The following PTPRQ variants were observed in gnomAD, a reference collection of about 807,000 sequenced individuals.
PTPRQ encodes phosphatidylinositol phosphatase PTPRQ.
PTPRQ carries 199 observed loss-of-function variants against 246.0 expected under a neutral mutation model. The observed-to-expected ratio is 0.81, with a 90% CI of 0.72 to 0.91. The LOEUF is 0.91. Ranked by LOEUF, PTPRQ falls within the 40% of genes least tolerant of loss-of-function variation. The pLI is 0.00. For missense variants in PTPRQ, 2,624 were observed against 2,528.4 expected, an observed-to-expected ratio of 1.04 and a Z score of -0.81; for synonymous variants, 869 against 853.2, an observed-to-expected ratio of 1.02 and a Z score of -0.32.
chr12:80,508,928 A>G (rs1895045428), intron 16 of PTPRQ, among the ~76,000 whole-genome samples: 1 of 152,054 alleles, frequency 6.6e-6, no homozygotes, highest in South Asian at 2.1e-4. Flanking sequence ...GTTGCAACAT[A>G]TTAGTTTCTA....
chr12:80,632,281 G>T lies in PTPRQ; in HGVS notation c.5776G>T (p.Ala1926Ser). Residue 1926 changes from alanine to serine, a missense_variant, in exon 34 of 45, where the codon GCA (alanine) becomes TCA (serine). By Grantham distance (99) the Ala-to-Ser change is moderately conservative (BLOSUM62 1). Transcript: ENST00000644991. ...SIILLGTAIFAFARIRQKQKE... is the reference protein window; with the variant it reads ...SIILLGTAIFSFARIRQKQKE... ...AATTCTCCTTGGAACAGCTATTTTT[G>T]CATTTGCAAGGTAAGATTTATTTGC... 6.4e-7 allele frequency: 1 copy of T among 1,551,028 alleles called. No homozygotes were observed. The highest frequency in any genetic ancestry group is 8.7e-7 in the Non-Finnish European group (1 of 1,146,762).
At chr12:80,617,674 G>A (rs1297569446) in intron 30 of PTPRQ, among the ~76,000 whole-genome samples, 1 of 151,318 alleles carries the variant, frequency 6.6e-6, no homozygotes, top group Non-Finnish European at 1.5e-5. Context: ...GCAGACTTAC[G>A]ACTTCTAGTC....
intron 6 of PTPRQ, among the ~76,000 whole-genome samples, chr12:80,468,159 T>C (rs1565725554): frequency 1.3e-5 from 2 of 152,140 alleles, no homozygotes; most frequent in Non-Finnish European, 2.9e-5. Context: ...AAAATGTCAT[T>C]ATTATTTTCA....
At chr12:80,625,056 G>A (rs541673231) in intron 33 of PTPRQ, among the ~76,000 whole-genome samples, 7 of 152,238 alleles carry the variant, frequency 4.6e-5, no homozygotes, top group African/African-American at 1.7e-4. Flanking sequence ...AACATTGCCA[G>A]GGAAGAAACT....
At chr12:80,642,804 C>A (rs1269873008) in intron 35 of PTPRQ, among the ~76,000 whole-genome samples, 1 of 149,302 alleles carries the variant, frequency 6.7e-6, no homozygotes, top group Non-Finnish European at 1.5e-5. Context: ...CCTGTAGTCC[C>A]AGCTACTCGG....
intron 6 of PTPRQ, among the ~76,000 whole-genome samples, chr12:80,467,213 T>C (rs1344650281): frequency 2.0e-5 from 3 of 151,964 alleles, no homozygotes; most frequent in Non-Finnish European, 4.4e-5. Context: ...AACAGACACT[T>C]CTCAAAAGAA....
chr12:80,512,019 C>T (rs188113429), intron 17 of PTPRQ, among the ~76,000 whole-genome samples: 2 of 152,076 alleles, frequency 1.3e-5, no homozygotes, highest in Non-Finnish European at 2.9e-5. Context: ...GTAGTGGCAA[C>T]AGAGGGGAGA....
At chr12:80,628,067 G>A (rs917390002) in intron 33 of PTPRQ, among the ~76,000 whole-genome samples, 2 of 151,902 alleles carry the variant, frequency 1.3e-5, no homozygotes, top group Admixed American at 6.6e-5. Flanking sequence ...TTCCCACTGA[G>A]TTCTAAGGCC....
intron 33 of PTPRQ, among the ~76,000 whole-genome samples, chr12:80,630,965 C>T (rs1899409475): frequency 1.3e-5 from 2 of 152,164 alleles, no homozygotes; most frequent in South Asian, 2.1e-4. Flanking sequence ...CTGCCTGCCT[C>T]GGCTTCCCAA....
chr12:80,590,147 A>G (rs1341981533), intron 26 of PTPRQ, among the ~76,000 whole-genome samples: 1 of 152,096 alleles, frequency 6.6e-6, no homozygotes, highest in Non-Finnish European at 1.5e-5. Context: ...TCATATCATT[A>G]TTTATCTGTT....
At chr12:80,588,837 C>T (rs567134710) in intron 26 of PTPRQ, among the ~76,000 whole-genome samples, 12 of 152,302 alleles carry the variant, frequency 7.9e-5, no homozygotes, top group African/African-American at 2.9e-4. Flanking sequence ...ACTTTACAAC[C>T]TTTTCAGTGA....
Position 80,495,173 on chromosome 12 carries a change from G to A in PTPRQ, c.1703-19G>A, listed in dbSNP as rs1033987745. The A allele has an allele frequency of 4.5e-6, 7 of 1,544,524 alleles. No homozygotes were observed. In the South Asian group the frequency reaches 7.3e-5, roughly 16 times the overall value. On this transcript the variant is annotated intron_variant, in intron 11 of 44. Transcript: ENST00000644991. ...TGTGATACTTTTTTTTCATTCATAT[G>A]TTCATTCTTCTTTTTAAGTGCCAAG...
intron 14 of PTPRQ, among the ~76,000 whole-genome samples, chr12:80,501,442 G>A (rs1389333662): frequency 6.6e-6 from 1 of 151,868 alleles, no homozygotes; most frequent in Non-Finnish European, 1.5e-5. Flanking sequence ...ACATCCAGGA[G>A]TTCTGTTTGC....
At chr12:80,552,646 TATATA>T (rs1361329171) in intron 25 of PTPRQ, among the ~76,000 whole-genome samples, 1 of 622 alleles carries the variant, frequency 1.6e-3, no homozygotes, top group Non-Finnish European at 5.5e-3. Context: ...AAAAAAAAAT[TATATA>T]TATATATATA....
chr12:80,665,563 C>A (rs1900759220), intron 39 of PTPRQ, among the ~76,000 whole-genome samples: 1 of 151,742 alleles, frequency 6.6e-6, no homozygotes, highest in Admixed American at 6.6e-5. Context: ...ATACTAAAAC[C>A]TCAAAAACAC....
chr12:80,639,258 T>C (rs183088947), intron 35 of PTPRQ, among the ~76,000 whole-genome samples: 23 of 152,372 alleles, frequency 1.5e-4, no homozygotes, highest in African/African-American at 5.5e-4. Context: ...AGCTTATTTT[T>C]TACTATCTTC....
At chr12:80,483,575 G>T (rs1052171160) in intron 8 of PTPRQ, among the ~76,000 whole-genome samples, 1 of 152,036 alleles carries the variant, frequency 6.6e-6, no homozygotes. Flanking sequence ...TGTATTTAAA[G>T]ACATTTAATT....
At chr12:80,594,089 T>C (rs1362478800) in intron 26 of PTPRQ, among the ~76,000 whole-genome samples, 2 of 152,160 alleles carry the variant, frequency 1.3e-5, no homozygotes, top group Non-Finnish European at 2.9e-5. Flanking sequence ...CTTTATGATC[T>C]AAAAAGAAGA....
intron 25 of PTPRQ, among the ~76,000 whole-genome samples, chr12:80,572,008 G>T (rs950882132): frequency 4.6e-5 from 7 of 151,704 alleles, no homozygotes; most frequent in African/African-American, 1.7e-4. Flanking sequence ...TTTGGTCTTT[G>T]CATGTCCATA....
Sources: allele counts gnomAD v4.1 joint callset (sites outside exome capture counted in the v4.1 genomes callset), GRCh38; gene constraint gnomAD v4.1.1; transcripts MANE v1.5; gene names NCBI Gene and HGNC (gene_info 2026-07-23, HGNC 2026-07-21).